Variants in ALKBH6 observed in about 807,000 individuals in gnomAD.
ALKBH6 encodes probable RNA/DNA demethylase ALKBH6.
ALKBH6 carries 20 observed loss-of-function variants against 25.1 expected under a neutral mutation model. The ratio of observed to expected loss-of-function variants is 0.80; its 90% CI spans 0.56 to 1.16. ALKBH6 has a LOEUF of 1.16. ALKBH6 is among the 50% of genes most tolerant of loss of function. ALKBH6 has a pLI of 0.00. For synonymous variants in ALKBH6, 156 were observed against 147.5 expected (o/e 1.06, Z -0.42); for missense variants, 263 against 326.5 (o/e 0.81, Z 1.50).
In ALKBH6 at chr19:36,013,803, C is replaced by T; in HGVS notation, c.-26+372G>A. On this transcript the variant is annotated intron_variant, in intron 1 of 6. Coordinates refer to ENST00000378875, the MANE Select transcript of ALKBH6 (RefSeq NM_032878.5). This position sits in a 1 kb window ranked among gnomAD's most constrained non-coding sequence, Gnocchi z 4.6. ...AAACACCTTGAGACCCCGCTTCAGA[C>T]CTGCAACTGTGAGCCCGGCTATCAA... 1 of 1,279,224 alleles carries T rather than the reference C, an allele frequency of 7.8e-7. No homozygotes were observed. Among genetic ancestry groups the T allele is most frequent in the Middle Eastern group, 3.0e-4 (1 of 3,326 alleles). 79.2% of individuals were successfully genotyped at this position (1,279,224 alleles called of 1,614,324 possible).
Position 36,010,924 on chromosome 19 carries a change from C to G in ALKBH6, c.306G>C (p.Val102=), listed in dbSNP as rs1437028283. ...TGCCCTCCCCAGGCAGATACTGGTTCACGAGGACATGGTTAGCTGGGAGGC... is the reference window on the plus strand; with the variant it reads ...TGCCCTCCCCAGGCAGATACTGGTTGACGAGGACATGGTTAGCTGGGAGGC... The part of the protein sequence containing the change: ...FGGLPANHVL[V]NQYLPGEGIM... Residue 102 remains valine (V), a synonymous_variant, in exon 5 of 7, where the codon GTG becomes GTC. Transcript: ENST00000378875. The surrounding 1 kb of genome is among the most constrained non-coding windows in gnomAD (Gnocchi z 5.5). 6.2e-7 allele frequency: 1 copy of G among 1,613,942 alleles called. No homozygotes were observed. Among genetic ancestry groups the G allele is most frequent in the African/African-American group, 1.3e-5 (1 of 74,882 alleles).
chr19:36,013,227 C>T lies in ALKBH6; in HGVS notation c.54+117G>A, dbSNP rs892067297. ...AGGGTCTAAAGTCAAGGGACCAGTGCCATTCCAGAATGGACTCTGACAGTA... is the reference window on the plus strand; with the variant it reads ...AGGGTCTAAAGTCAAGGGACCAGTGTCATTCCAGAATGGACTCTGACAGTA... On this transcript the variant is annotated intron_variant, in intron 2 of 6. Coordinates refer to ENST00000378875, the MANE Select transcript of ALKBH6 (RefSeq NM_032878.5). The surrounding 1 kb of genome is among the most constrained non-coding windows in gnomAD (Gnocchi z 4.6). The T allele has an allele frequency of 1.4e-6, 2 of 1,473,288 alleles. No individual in the cohort carries two copies. The highest frequency in any genetic ancestry group is 1.9e-6 in the Non-Finnish European group (2 of 1,058,356). 91.3% of individuals were successfully genotyped at this position (1,473,288 alleles called of 1,614,324 possible). A position where few individuals can be genotyped will look rare whatever the true frequency, so the allele number is the denominator to read the frequency against.
chr19:36,011,228 C>T (rs1968603962), intron 4 of ALKBH6, 176 bp downstream of exon 4: 1 of 1,127,534 alleles, frequency 8.9e-7, no homozygotes, highest in Middle Eastern at 3.0e-4. Context: ...ATACTCCCAA[C>T]TCATCAGGAA....
chr19:36,012,664 A>G, intron 3 of ALKBH6: 1 of 204,522 alleles, frequency 4.9e-6, no homozygotes, highest in Non-Finnish European at 1.0e-5. Flanking sequence ...AGACTGGGCC[A>G]TCTCAGCGTA....
chr19:36,009,600 G>A (rs905163723), intron 6 of ALKBH6, 47 bp from the exon 7 acceptor site: 2 of 1,147,724 alleles, frequency 1.7e-6, no homozygotes, highest in Non-Finnish European at 2.2e-6. Flanking sequence ...GTCGGGGGGT[G>A]GGGGTGGGCG....
intron 3 of ALKBH6, chr19:36,012,497 C>A (rs1188228950): frequency 6.5e-6 from 1 of 154,490 alleles, no homozygotes; most frequent in Non-Finnish European, 1.4e-5. Context: ...GCAAAAAAGT[C>A]TGTGTTCTGT....
At position 36,011,457 on chromosome 19, in the gene ALKBH6, T is replaced by C. The variant is rs767229034; in HGVS notation, c.131A>G (p.Asn44Ser). 5.6e-6 allele frequency: 9 copies of C among 1,613,552 alleles called. No homozygotes were observed. The highest frequency in any genetic ancestry group is 7.6e-6 in the Non-Finnish European group (9 of 1,179,952). The change falls in exon 4 of 7, where the codon AAT (asparagine) becomes AGT (serine). Residue 44 changes from asparagine (N) to serine (S), a missense_variant. Around this residue, in one of 3 missense-constraint regions of ALKBH6, gnomAD observed 112 missense variants for 153.0 expected, o/e 0.73. Coordinates refer to ENST00000378875, the MANE Select transcript of ALKBH6 (RefSeq NM_032878.5). The part of the protein sequence containing the change: ...EEEYLLRQVF[N>S]APKPKWTQLS... ...CTGGGTCCACTTTGGCTTTGGGGCA[T>C]TAAAAACCTAAGAGGTGGGAAGGGG...
rs1362411940 is a variant in ALKBH6 at position 36,013,672 on chromosome 19, T to C, written c.-25-250A>G. 3 of 1,343,026 alleles carry C rather than the reference T, an allele frequency of 2.2e-6. No individual in the cohort carries two copies. Among genetic ancestry groups the C allele is most frequent in the Non-Finnish European group, 2.9e-6 (3 of 1,044,934 alleles). 83.2% of individuals were successfully genotyped at this position (1,343,026 alleles called of 1,614,324 possible). A position where few individuals can be genotyped will look rare whatever the true frequency, so the allele number is the denominator to read the frequency against. On this transcript the variant is annotated intron_variant, in intron 1 of 6. Coordinates refer to ENST00000378875, the MANE Select transcript of ALKBH6 (RefSeq NM_032878.5). This position sits in a 1 kb window ranked among gnomAD's most constrained non-coding sequence, Gnocchi z 4.6. ...CTAAGGGCCCATCCAACTACACATA[T>C]GCCTTCTCAATCCTCCCACAGAGAA...
rs148068160 is a variant in ALKBH6, at chr19:36,010,003, T to G, written c.454-450A>C. On this transcript the variant is annotated intron_variant, in intron 6 of 6. Coordinates refer to ENST00000378875, the MANE Select transcript of ALKBH6 (RefSeq NM_032878.5). The surrounding 1 kb of genome is among the most constrained non-coding windows in gnomAD (Gnocchi z 5.5). ...GGGGTTCCCAAGGACATCAGGACAT[T>G]AGAGGACAACCGCACAGCTGAGGGA... is the stretch of plus-strand genomic sequence containing the variant. Among the ~76,000 whole-genome samples the G allele has an allele frequency of 9.5e-4, 144 of 151,954 alleles. 1 individual carries two copies. Among genetic ancestry groups the G allele is most frequent in the Middle Eastern group, 6.8e-3 (2 of 294 alleles).
Position 36,013,866 on chromosome 19 carries a change from G to T in ALKBH6, c.-26+309C>A. On this transcript the variant is annotated intron_variant, in intron 1 of 6. Coordinates refer to ENST00000378875, the MANE Select transcript of ALKBH6 (RefSeq NM_032878.5). The surrounding 1 kb of genome is among the most constrained non-coding windows in gnomAD (Gnocchi z 4.6). ...CCCGCCCCCCACCGAATCCCATTCT[G>T]TGCACTCCTGTGACCCCAATCTGAG... 7.6e-7 allele frequency: 1 copy of T among 1,313,618 alleles called. No individual in the cohort carries two copies. The highest frequency in any genetic ancestry group is 9.7e-7 in the Non-Finnish European group (1 of 1,033,566). The allele number at this position is 1,313,618 out of a possible 1,614,324, so 81.4% of individuals were successfully genotyped here. A position where few individuals can be genotyped will look rare whatever the true frequency, so the allele number is the denominator to read the frequency against.
At position 36,009,427 on chromosome 19, in the gene ALKBH6, C is replaced by T. The variant is rs770553428; in HGVS notation, c.580G>A (p.Ala194Thr). Residue 194 changes from alanine (A) to threonine (T), a missense_variant, in exon 7 of 7, where the codon GCC becomes ACC. Physicochemically the swap from Ala to Thr is moderately conservative, Grantham distance 58 (BLOSUM62 0). Transcript: ENST00000378875. ...IAAARVDALDAASSPPNAAAC... is the reference protein window; with the variant it reads ...IAAARVDALDTASSPPNAAAC... ...GCCGCATTGGGCGGCGAGGAGGCGGCGTCCAGCGCGTCTACGCGGGCGGCG... is the reference window on the plus strand; with the variant it reads ...GCCGCATTGGGCGGCGAGGAGGCGGTGTCCAGCGCGTCTACGCGGGCGGCG... The T allele has an allele frequency of 4.8e-4, 592 of 1,244,256 alleles. No individual in the cohort carries two copies. Among genetic ancestry groups the T allele is most frequent in the Non-Finnish European group, 5.8e-4 (573 of 995,858 alleles). The allele number at this position is 1,244,256 out of a possible 1,614,324, so 77.1% of individuals were successfully genotyped here.
chr19:36,013,233 C>T lies in ALKBH6; in HGVS notation c.54+111G>A. ...TAAAGTCAAGGGACCAGTGCCATTC[C>T]AGAATGGACTCTGACAGTAAGAATG... On this transcript the variant is annotated intron_variant, in intron 2 of 6. Transcript: ENST00000378875. This position sits in a 1 kb window ranked among gnomAD's most constrained non-coding sequence, Gnocchi z 4.6. The T allele has an allele frequency of 6.7e-7, 1 of 1,494,216 alleles. No individual in the cohort carries two copies. Among genetic ancestry groups the T allele is most frequent in the Non-Finnish European group, 9.3e-7 (1 of 1,076,514 alleles). 92.6% of individuals were successfully genotyped at this position (1,494,216 alleles called of 1,614,324 possible). A position where few individuals can be genotyped will look rare whatever the true frequency, so the allele number is the denominator to read the frequency against.
At chr19:36,014,080 T>G in intron 1 of ALKBH6, 95 bp downstream of exon 1, 1 of 1,578,990 alleles carries the variant, frequency 6.3e-7, no homozygotes, top group Non-Finnish European at 8.6e-7. Flanking sequence ...CTCCAAGCTC[T>G]GAGCCTCCTC....
intron 3 of ALKBH6, chr19:36,011,949 G>A (rs1369002786): frequency 6.5e-6 from 1 of 154,962 alleles, no homozygotes; most frequent in Non-Finnish European, 1.4e-5. Context: ...AGCTGGGCAT[G>A]GTGGCATGCA....
At position 36,010,378 on chromosome 19, in the gene ALKBH6, T is replaced by C; in HGVS notation, c.453+189A>G. On this transcript the variant is annotated intron_variant, in intron 6 of 6. Coordinates refer to ENST00000378875, the MANE Select transcript of ALKBH6 (RefSeq NM_032878.5). This position sits in a 1 kb window ranked among gnomAD's most constrained non-coding sequence, Gnocchi z 5.5. ...GGGAGCCTGTGAAAATCATGGCATG[T>C]GGGACAGACACCCTGTAAGCAGATG... 3.1e-6 allele frequency: 2 copies of C among 635,964 alleles called. No homozygotes were observed. Among genetic ancestry groups the C allele is most frequent in the Middle Eastern group, 2.7e-4 (1 of 3,682 alleles). 39.4% of individuals were successfully genotyped at this position (635,964 alleles called of 1,614,324 possible).
intron 6 of ALKBH6, among the ~76,000 whole-genome samples, 197 bp from the exon 7 acceptor site, chr19:36,009,750 CGAGGGCTCTGCCGTCCCTCGGGAGGGG>C (rs947685807): frequency 1.4e-4 from 19 of 138,362 alleles, no homozygotes; most frequent in Non-Finnish European, 2.8e-4. Context: ...AAAGGGAGGG[CGAGGGCTCTGCCGTCCCTCGGGAGGGG>C]GCAGGATCTA....
chr19:36,013,386 C>T lies in ALKBH6; in HGVS notation c.12G>A (p.Gln4=). Residue 4 remains glutamine, a synonymous_variant, in exon 2 of 7, where the codon CAG becomes CAA. Coordinates refer to ENST00000378875, the MANE Select transcript of ALKBH6 (RefSeq NM_032878.5). The surrounding 1 kb of genome is among the most constrained non-coding windows in gnomAD (Gnocchi z 4.6). ...GTTCCAGGGCTGGGACTCTGGCGTC[C>T]TGCTCCTCCATCAACACCAACTCCT... The part of the protein sequence containing the change: MEE[Q]DARVPALEPF... 2 of 1,613,942 alleles carry T rather than the reference C, an allele frequency of 1.2e-6. No homozygotes were observed. Among genetic ancestry groups the T allele is most frequent in the Non-Finnish European group, 1.7e-6 (2 of 1,179,918 alleles).
In ALKBH6 at chr19:36,013,915, A is replaced by G; in HGVS notation, c.-26+260T>C. ...AGCCTCCTCAGACATGTCCACCCTC[A>G]GCCTCCTCGGATCCCCCCATTTGGA... On this transcript the variant is annotated intron_variant, in intron 1 of 6. Transcript: ENST00000378875. The surrounding 1 kb of genome is among the most constrained non-coding windows in gnomAD (Gnocchi z 4.6). 1 of 1,355,492 alleles carries G rather than the reference A, an allele frequency of 7.4e-7. No homozygotes were observed. The highest frequency in any genetic ancestry group is 3.1e-5 in the East Asian group (1 of 31,830). 84.0% of individuals were successfully genotyped at this position (1,355,492 alleles called of 1,614,324 possible).
Position 36,010,747 on chromosome 19 carries a change from G to T in ALKBH6, c.337-64C>A. 1.3e-6 allele frequency: 2 copies of T among 1,578,620 alleles called. No individual in the cohort carries two copies. Among genetic ancestry groups the T allele is most frequent in the Non-Finnish European group, 1.7e-6 (2 of 1,149,936 alleles). ...CACAACCCCCACCCTCTGGGTCAAAGGGGGGCTTCCCAAGCCAGGGACAGG... is the reference window on the plus strand; with the variant it reads ...CACAACCCCCACCCTCTGGGTCAAATGGGGGCTTCCCAAGCCAGGGACAGG... On this transcript the variant is annotated intron_variant, in intron 5 of 6. Transcript: ENST00000378875. This position sits in a 1 kb window ranked among gnomAD's most constrained non-coding sequence, Gnocchi z 5.5.
Sources: gnomAD v4.1 joint callset for allele counts (sites outside exome capture counted in the v4.1 genomes callset) on GRCh38, gnomAD v4.1.1 for gene constraint, gnomAD v4.1.1 regional missense constraint, Gnocchi (gnomAD v3.1) non-coding constraint, MANE v1.5 for transcripts, NCBI Gene and HGNC (gene_info 2026-07-23, HGNC 2026-07-21) for gene names.